Variants in ROR2 observed in about 807,000 individuals in gnomAD.
ROR2 encodes the protein tyrosine-protein kinase transmembrane receptor ROR2.
A neutral mutation model predicts 74.9 loss-of-function variants in ROR2; 33 were observed. The observed-to-expected ratio is 0.44, with a 90% CI of 0.33 to 0.59. The LOEUF (loss-of-function observed/expected upper bound fraction) is 0.59, where lower values mean the gene tolerates loss of function less well. ROR2 is among the 20% of genes least tolerant of loss of function. The probability of loss-of-function intolerance (pLI) is 0.02; values close to 1 mark genes in which losing one functional copy is unlikely to be tolerated. For synonymous variants in ROR2, 586 were observed against 558.7 expected, an observed-to-expected ratio of 1.05 and a Z score of -0.69; for missense variants, 1,216 against 1,313.8, an observed-to-expected ratio of 0.93 and a Z score of 1.15.
chr9:91,874,949 G>C (rs1365415299), intron 1 of ROR2, among the ~76,000 whole-genome samples: 1 of 150,980 alleles, frequency 6.6e-6, no homozygotes, highest in Admixed American at 6.6e-5. Context: ...AAAAAAAAAG[G>C]AAAGACAACT....
rs145631389 is a variant in ROR2 at position 91,733,251 on chromosome 9, T to C, written c.808A>G (p.Ile270Val). 1.3e-4 allele frequency: 216 copies of C among 1,612,704 alleles called. No homozygotes were observed. Among genetic ancestry groups the C allele is most frequent in the Non-Finnish European group, 1.7e-4 (200 of 1,179,728 alleles). The stretch of plus-strand genomic sequence containing the variant: ...AGGATGAGCGGGTTGGAGCGGGCGA[T>C]GGTGTACTCCTGGCGGCACAGGTCG... ...ESDLCRQEYT[I>V]ARSNPLILMR... Residue 270 changes from isoleucine to valine, a missense_variant, in exon 6 of 9, where the codon ATC becomes GTC. Ile to Val is a conservative substitution (Grantham distance 29, BLOSUM62 3). Transcript: ENST00000375708. This position sits in a 1 kb window ranked among gnomAD's most constrained non-coding sequence, Gnocchi z 5.7.
In ROR2 at chr9:91,849,449, C is replaced by A. The variant is rs118134274; in HGVS notation, c.98-73631G>T. The stretch of plus-strand genomic sequence containing the variant: ...TTCAACTTTCCTGTTAAAACTAACA[C>A]TTCCAAGGAAGCCGGCTAGAAAGAA... On this transcript the variant is annotated intron_variant, in intron 1 of 8. Coordinates refer to ENST00000375708, the MANE Select transcript of ROR2 (RefSeq NM_004560.4). Among the ~76,000 whole-genome samples the A allele has an allele frequency of 6.9e-3, 1,045 of 152,360 alleles. 7 individuals carry two copies. The highest frequency in any genetic ancestry group is 9.8e-3 in the Non-Finnish European group (666 of 68,042).
At position 91,773,204 on chromosome 9, in the gene ROR2, T is replaced by C. The variant is rs182610557; in HGVS notation, c.175+2537A>G. 2.3e-3 allele frequency among the ~76,000 whole-genome samples: 354 copies of C among 152,224 alleles called. 1 individual carries two copies. Among genetic ancestry groups the C allele is most frequent in the African/African-American group, 8.0e-3 (333 of 41,518 alleles). Reference sequence around the variant, plus strand: ...CCCCGGGTGAGAGGTTTGCAGCGCATCTGAAACAAAGGACTGCAATACATT... The same window carrying C: ...CCCCGGGTGAGAGGTTTGCAGCGCACCTGAAACAAAGGACTGCAATACATT... On this transcript the variant is annotated intron_variant, in intron 2 of 8. Transcript: ENST00000375708.
At chr9:91,758,889 A>C (rs190485866) in intron 2 of ROR2, among the ~76,000 whole-genome samples, 2 of 152,368 alleles carry the variant, frequency 1.3e-5, no homozygotes, top group East Asian at 3.9e-4. Context: ...CTTAAGAGGA[A>C]CATGCAAATA....
intron 4 of ROR2, among the ~76,000 whole-genome samples, chr9:91,752,467 C>T (rs911482514): frequency 2.4e-4 from 37 of 152,266 alleles, no homozygotes; most frequent in Middle Eastern, 3.4e-3. Context: ...GCTAAAAGGA[C>T]GCCAGGCTTA....
At chr9:91,753,480 G>A (rs10992082) in intron 4 of ROR2, among the ~76,000 whole-genome samples, 20,177 of 152,248 alleles carry the variant, frequency 0.13, 1,454 homozygotes, top group South Asian at 0.25. Context: ...GTCCTTTGAC[G>A]TTGTCGGGAA....
At chr9:91,931,468 G>GT (rs1354299408) in intron 1 of ROR2, among the ~76,000 whole-genome samples, 1 of 152,112 alleles carries the variant, frequency 6.6e-6, no homozygotes, top group East Asian at 1.9e-4. Flanking sequence ...AATGGCTTAG[G>GT]ATACCTTCAA....
chr9:91,830,784 T>A (rs1261806894), intron 1 of ROR2, among the ~76,000 whole-genome samples: 3 of 151,022 alleles, frequency 2.0e-5, no homozygotes, highest in African/African-American at 7.3e-5. Context: ...ATGAATACAT[T>A]TTACCAAAAC....
At chr9:91,805,223 G>A (rs190122321) in intron 1 of ROR2, among the ~76,000 whole-genome samples, 19 of 152,284 alleles carry the variant, frequency 1.2e-4, no homozygotes, top group Admixed American at 9.2e-4. Flanking sequence ...ACCTTTGCTC[G>A]GCCTGGGACA....
At chr9:91,881,139 A>C (rs539519623) in intron 1 of ROR2, among the ~76,000 whole-genome samples, 37 of 152,242 alleles carry the variant, frequency 2.4e-4, no homozygotes, top group Non-Finnish European at 4.6e-4. Flanking sequence ...TCTGAACTTC[A>C]CAAATATAAC....
chr9:91,856,917 G>T (rs1290256209), intron 1 of ROR2, among the ~76,000 whole-genome samples: 1 of 152,176 alleles, frequency 6.6e-6, no homozygotes, highest in Non-Finnish European at 1.5e-5. Context: ...CACAATGGAC[G>T]AGGAACAAAT....
chr9:91,925,466 A>ATGTGTGTGTGTGTGTG (rs35012954), intron 1 of ROR2, among the ~76,000 whole-genome samples: 1,854 of 144,584 alleles, frequency 0.013, 96 homozygotes, highest in Admixed American at 0.098. Flanking sequence ...AGCTGCCTGT[A>ATGTGTGTGTGTGTGTG]TGTGTGTGTG....
At chr9:91,909,863 T>TTTTTTTTTTAG (rs1830927632) in intron 1 of ROR2, among the ~76,000 whole-genome samples, 2 of 129,474 alleles carry the variant, frequency 1.5e-5, no homozygotes, top group Admixed American at 8.0e-5. Context: ...TTTTTTTTTT[T>TTTTTTTTTTAG]TTTTTTTTAG....
At chr9:91,913,170 C>T (rs1831037508) in intron 1 of ROR2, among the ~76,000 whole-genome samples, 1 of 151,844 alleles carries the variant, frequency 6.6e-6, no homozygotes, top group South Asian at 2.1e-4. Flanking sequence ...CAAAAAAAGG[C>T]CAGCAGAGAG....
intron 1 of ROR2, among the ~76,000 whole-genome samples, chr9:91,873,927 A>G (rs1829879780): frequency 6.6e-6 from 1 of 152,148 alleles, no homozygotes; most frequent in African/African-American, 2.4e-5. Context: ...TCAGAGATAA[A>G]TTTTAAAAGG....
chr9:91,855,768 A>T (rs754321129), intron 1 of ROR2, among the ~76,000 whole-genome samples: 9 of 152,068 alleles, frequency 5.9e-5, no homozygotes, highest in Non-Finnish European at 1.2e-4. Context: ...GGACCAGCGT[A>T]ACTACACAAC....
chr9:91,865,374 C>T (rs1244339725), intron 1 of ROR2, among the ~76,000 whole-genome samples: 2 of 152,176 alleles, frequency 1.3e-5, no homozygotes, highest in African/African-American at 4.8e-5. Context: ...TGTGAAACCA[C>T]GTTTTGGCTT....
chr9:91,938,572 T>C (rs937309345), intron 1 of ROR2, among the ~76,000 whole-genome samples: 6 of 152,010 alleles, frequency 3.9e-5, no homozygotes, highest in African/African-American at 1.4e-4. Context: ...CAGTGAGCTA[T>C]GATTGTGCCA....
chr9:91,831,270 CA>C (rs113100972), intron 1 of ROR2, among the ~76,000 whole-genome samples: 2,153 of 141,702 alleles, frequency 0.015, 13 homozygotes, highest in Non-Finnish European at 0.018. Context: ...CTCAAAAAAA[CA>C]AAAAAAAAAA....
Sources: allele counts gnomAD v4.1 joint callset (sites outside exome capture counted in the v4.1 genomes callset), GRCh38; gene constraint gnomAD v4.1.1; non-coding constraint Gnocchi (gnomAD v3.1); transcripts MANE v1.5; gene names NCBI Gene and HGNC (gene_info 2026-07-23, HGNC 2026-07-21).